GRM5: variants seen among roughly 807,000 people sequenced by gnomAD.
GRM5 encodes metabotropic glutamate receptor 5.
A neutral mutation model predicts 83.1 loss-of-function variants in GRM5; 19 were observed. That is an observed-to-expected ratio of 0.23 (90% CI 0.16 to 0.34). The LOEUF (loss-of-function observed/expected upper bound fraction) is 0.34. GRM5 is among the 10% of genes least tolerant of loss of function. The pLI, the probability that GRM5 is intolerant of heterozygous loss-of-function variation, is 1.00. For synonymous variants in GRM5, 675 were observed against 633.6 expected (o/e 1.07, Z -0.98); for missense variants, 1,160 against 1,588.3 (o/e 0.73, Z 4.58).
chr11:88,627,660 C>T (rs1938839551), intron 4 of GRM5, among the ~76,000 whole-genome samples: 1 of 152,100 alleles, frequency 6.6e-6, no homozygotes. Context: ...TTCTCAATCA[C>T]CTAAAATTGA....
intron 2 of GRM5, among the ~76,000 whole-genome samples, chr11:88,965,956 C>T (rs1457673174): frequency 6.6e-6 from 1 of 151,938 alleles, no homozygotes; most frequent in African/African-American, 2.4e-5. Context: ...TGCATTGTTC[C>T]CTCAAGCATA....
At chr11:89,005,841 C>G (rs1940508679) in intron 2 of GRM5, among the ~76,000 whole-genome samples, 1 of 152,052 alleles carries the variant, frequency 6.6e-6, no homozygotes, top group South Asian at 2.1e-4. Context: ...TTTTGTTGCT[C>G]ACCTACCATA....
At chr11:88,823,649 G>A (rs998978379) in intron 3 of GRM5, among the ~76,000 whole-genome samples, 1 of 152,070 alleles carries the variant, frequency 6.6e-6, no homozygotes, top group Non-Finnish European at 1.5e-5. Context: ...TGGTTTCATG[G>A]GTCTCAGGGA....
chr11:89,016,294 T>A (rs183022831), intron 2 of GRM5, among the ~76,000 whole-genome samples: 48 of 150,242 alleles, frequency 3.2e-4, no homozygotes, highest in Non-Finnish European at 8.9e-5. Flanking sequence ...ATCTTTCATA[T>A]TTATTATATA....
At chr11:88,735,788 T>C (rs761694823) in intron 3 of GRM5, among the ~76,000 whole-genome samples, 4 of 152,058 alleles carry the variant, frequency 2.6e-5, no homozygotes, top group Non-Finnish European at 4.4e-5. Flanking sequence ...TCGGGAGACA[T>C]TGACTGCGTT....
chr11:88,983,027 C>G (rs1011582823), intron 2 of GRM5, among the ~76,000 whole-genome samples: 1 of 152,198 alleles, frequency 6.6e-6, no homozygotes, highest in East Asian at 1.9e-4. Flanking sequence ...GATCACGCCA[C>G]TGCACTCCAG....
chr11:88,677,740 G>C (rs956112244), intron 3 of GRM5, among the ~76,000 whole-genome samples: 4 of 152,096 alleles, frequency 2.6e-5, no homozygotes, highest in African/African-American at 9.7e-5. Context: ...GTTAAATTGA[G>C]ATGTGATTAT....
At chr11:88,636,183 T>G (rs1652174950) in intron 4 of GRM5, among the ~76,000 whole-genome samples, 1 of 152,184 alleles carries the variant, frequency 6.6e-6, no homozygotes, top group African/African-American at 2.4e-5. Context: ...GCCAACCTCC[T>G]TTCCTGACCA....
At chr11:89,030,275 A>G (rs537476264) in intron 2 of GRM5, among the ~76,000 whole-genome samples, 1 of 152,244 alleles carries the variant, frequency 6.6e-6, no homozygotes, top group Admixed American at 6.5e-5. Flanking sequence ...CCTTTATAAG[A>G]GAGCCCAAAT....
At chr11:88,658,523 C>G (rs1268563973) in intron 3 of GRM5, among the ~76,000 whole-genome samples, 1 of 152,084 alleles carries the variant, frequency 6.6e-6, no homozygotes, top group Non-Finnish European at 1.5e-5. Context: ...GGTTTAGAGA[C>G]TCTGCTCCAG....
At chr11:88,697,467 C>T (rs1940930406) in intron 3 of GRM5, among the ~76,000 whole-genome samples, 1 of 152,174 alleles carries the variant, frequency 6.6e-6, no homozygotes, top group Admixed American at 6.5e-5. Context: ...TAAAATACTA[C>T]AAATGGATAC....
At chr11:88,891,467 A>G (rs1235340598) in intron 2 of GRM5, among the ~76,000 whole-genome samples, 1 of 152,042 alleles carries the variant, frequency 6.6e-6, no homozygotes, top group Non-Finnish European at 1.5e-5. Flanking sequence ...CCCCTGAAAC[A>G]TTCAGAAAAT....
intron 8 of GRM5, among the ~76,000 whole-genome samples, chr11:88,549,919 A>G (rs565954624): frequency 3.4e-4 from 52 of 152,184 alleles, no homozygotes; most frequent in Non-Finnish European, 1.6e-4. Context: ...AGAGAGATTT[A>G]GAAAATTATG....
At chr11:88,590,794 A>G (rs1162892047) in intron 6 of GRM5, 67 bp from the exon 7 acceptor site, 24 of 1,299,248 alleles carry the variant, frequency 1.8e-5, no homozygotes, top group Non-Finnish European at 2.3e-5. Context: ...TCTATATTCC[A>G]ATGTGCTGTT....
At position 88,505,004 on chromosome 11, in the gene GRM5, G is replaced by A. The variant is rs1476021202; in HGVS notation, c.*3588C>T. 1.3e-5 allele frequency: 2 copies of A among 152,022 alleles called. No individual in the cohort carries two copies. The highest frequency in any genetic ancestry group is 2.9e-5 in the Non-Finnish European group (2 of 67,974). 9.4% of individuals were successfully genotyped at this position (152,022 alleles called of 1,614,324 possible). A position where few individuals can be genotyped will look rare whatever the true frequency, so the allele number is the denominator to read the frequency against. ...CATCAGCAGCTGCCATTGATTTCTA[G>A]AAATACACACAATATACATAGTATA... On this transcript the variant is annotated 3_prime_UTR_variant, in exon 10 of 10. Transcript: ENST00000305447.
rs5793376 is a variant in GRM5, at chr11:88,976,546, C to CA, written c.661+70665dup. Among the ~76,000 whole-genome samples, 664 of 142,564 alleles carry CA rather than the reference C, an allele frequency of 4.7e-3. 6 individuals carry two copies. The highest frequency in any genetic ancestry group is 0.014 in the African/African-American group (577 of 39,992). The allele number at this position is 142,564 out of a possible 152,430, so 93.5% of individuals were successfully genotyped here. ...TCCAAGTGCTGAACACAGGGCTTGG[C>CA]AAAAAAAAAAAATGAATTAATAATT... On this transcript the variant is annotated intron_variant, in intron 2 of 9. Coordinates refer to ENST00000305447, the MANE Select transcript of GRM5 (RefSeq NM_001143831.3).
chr11:88,599,886 G>A (rs532839790), intron 5 of GRM5, among the ~76,000 whole-genome samples: 24 of 152,016 alleles, frequency 1.6e-4, no homozygotes, highest in South Asian at 6.2e-4. Context: ...GGTGGCAGGC[G>A]CCTGTAGTCC....
intron 2 of GRM5, among the ~76,000 whole-genome samples, chr11:88,980,198 A>C (rs1243311117): frequency 1.3e-5 from 2 of 152,228 alleles, no homozygotes; most frequent in African/African-American, 4.8e-5. Flanking sequence ...AATTTTGGAA[A>C]TATTAATCAG....
At chr11:88,781,896 C>T (rs748121434) in intron 3 of GRM5, among the ~76,000 whole-genome samples, 1 of 152,178 alleles carries the variant, frequency 6.6e-6, no homozygotes, top group Non-Finnish European at 1.5e-5. Context: ...TGCTGCATGA[C>T]AGTGGGTGAC....
Sources: allele counts gnomAD v4.1 joint callset (sites outside exome capture counted in the v4.1 genomes callset), GRCh38; gene constraint gnomAD v4.1.1; transcripts MANE v1.5; gene names NCBI Gene and HGNC (gene_info 2026-07-23, HGNC 2026-07-21).